The following MDFIC variants were observed in gnomAD, a reference collection of about 807,000 sequenced individuals.
The protein encoded by MDFIC is myoD family inhibitor domain-containing protein.
Under a neutral mutation model 23.2 loss-of-function variants are expected in MDFIC, and 17 were observed. The observed-to-expected ratio is 0.73, with a 90% CI of 0.50 to 1.10. MDFIC has a LOEUF of 1.10. Among genes scored for constraint, MDFIC ranks in the 50% least tolerant of loss-of-function variants. The pLI is 0.00. For synonymous variants in MDFIC, 120 were observed against 115.2 expected, an observed-to-expected ratio of 1.04 and a Z score of -0.27; for missense variants, 356 against 316.6, an observed-to-expected ratio of 1.12 and a Z score of -0.95.
intron 4 of MDFIC, among the ~76,000 whole-genome samples, chr7:114,989,785 A>T (rs985018380): frequency 1.3e-5 from 2 of 152,196 alleles, no homozygotes; most frequent in Non-Finnish European, 2.9e-5. Flanking sequence ...TTTGGTGACT[A>T]AAAAGCCTTT....
chr7:114,952,900 C>T (rs1406963769), intron 3 of MDFIC, among the ~76,000 whole-genome samples: 1 of 152,188 alleles, frequency 6.6e-6, no homozygotes, highest in Non-Finnish European at 1.5e-5. Context: ...TGCAAAGGCG[C>T]TGTCATAATT....
chr7:114,987,708 A>G (rs901297565), intron 4 of MDFIC, among the ~76,000 whole-genome samples: 4 of 152,352 alleles, frequency 2.6e-5, no homozygotes, highest in Non-Finnish European at 5.9e-5. Context: ...GAGAGTAGGC[A>G]TGATCAGAGT....
At chr7:114,993,880 C>G (rs1791249157) in intron 4 of MDFIC, among the ~76,000 whole-genome samples, 2 of 152,178 alleles carry the variant, frequency 1.3e-5, no homozygotes, top group African/African-American at 4.8e-5. Flanking sequence ...TGGTGCAGAG[C>G]TGAGTTCAGT....
At chr7:114,960,815 A>G (rs1019107789) in intron 3 of MDFIC, among the ~76,000 whole-genome samples, 1 of 152,172 alleles carries the variant, frequency 6.6e-6, no homozygotes, top group Non-Finnish European at 1.5e-5. Flanking sequence ...ACATTTTAAA[A>G]AGGTACACAT....
rs763218438 is a variant in MDFIC at position 115,015,737 on chromosome 7, C to G, written c.543C>G (p.Thr181=). The part of the protein sequence containing the change: ...ILACLFCEFL[T]LCNIVLGQAS... ...CTTGCTTGTTCTGCGAATTCCTGAC[C>G]CTTTGCAACATTGTCCTGGGACAAG... The change falls in exon 5 of 5, where the codon ACC becomes ACG. Residue 181 remains threonine (T), a synonymous_variant. Coordinates refer to ENST00000393486, the MANE Select transcript of MDFIC (RefSeq NM_001166345.3). 1 of 1,614,120 alleles carries G rather than the reference C, an allele frequency of 6.2e-7. No homozygotes were observed.
intron 3 of MDFIC, among the ~76,000 whole-genome samples, chr7:114,964,554 C>T (rs997789723): frequency 1.3e-5 from 2 of 148,706 alleles, no homozygotes; most frequent in African/African-American, 2.5e-5. Flanking sequence ...CCCTTCCCTT[C>T]GCTTCCCTCC....
chr7:114,944,575 C>T (rs532683699), intron 3 of MDFIC, among the ~76,000 whole-genome samples: 1 of 152,288 alleles, frequency 6.6e-6, no homozygotes, highest in East Asian at 1.9e-4. Flanking sequence ...GTGGTAGCTT[C>T]TGCTATTCCA....
rs1791863432 is a variant in MDFIC, at chr7:115,019,694, C to T, written c.*3759C>T. 6.6e-6 allele frequency among the ~76,000 whole-genome samples: 1 copy of T among 152,138 alleles called. No individual in the cohort carries two copies. The highest frequency in any genetic ancestry group is 2.4e-5 in the African/African-American group (1 of 41,452). On this transcript the variant is annotated 3_prime_UTR_variant, in exon 5 of 5. Coordinates refer to ENST00000393486, the MANE Select transcript of MDFIC (RefSeq NM_001166345.3). ...TGTAGGATTGTTGCATCTAATCTGACTGGCAACAGAAAATGTCATCAAATA... is the reference window on the plus strand; with the variant it reads ...TGTAGGATTGTTGCATCTAATCTGATTGGCAACAGAAAATGTCATCAAATA...
chr7:114,955,034 T>C (rs1792857726), intron 3 of MDFIC, among the ~76,000 whole-genome samples: 2 of 152,124 alleles, frequency 1.3e-5, no homozygotes, highest in Non-Finnish European at 2.9e-5. Flanking sequence ...GGCTTGTCCC[T>C]TCAGAAAGGC....
intron 2 of MDFIC, 102 bp from the exon 3 acceptor site, chr7:114,942,173 A>T (rs995945782): frequency 2.8e-6 from 2 of 723,568 alleles, no homozygotes; most frequent in African/African-American, 1.9e-5. Flanking sequence ...CTATTTCCTT[A>T]AATTATGGCA....
intron 4 of MDFIC, among the ~76,000 whole-genome samples, chr7:115,001,037 A>G (rs1032580269): frequency 6.6e-6 from 1 of 152,162 alleles, no homozygotes; most frequent in Non-Finnish European, 1.5e-5. Flanking sequence ...TTCCTCCTCT[A>G]TACTTGACTG....
chr7:114,968,755 A>G (rs181833528), intron 3 of MDFIC, among the ~76,000 whole-genome samples: 105 of 152,308 alleles, frequency 6.9e-4, no homozygotes, highest in Admixed American at 2.0e-3. Flanking sequence ...TCCTAGTAAC[A>G]ACTACTCACC....
At chr7:114,934,454 T>C (rs1270178864) in intron 2 of MDFIC, among the ~76,000 whole-genome samples, 2 of 152,228 alleles carry the variant, frequency 1.3e-5, no homozygotes, top group African/African-American at 4.8e-5. Context: ...TTATACTCAA[T>C]TGGATTTTCA....
rs555571392 is a variant in MDFIC at position 114,926,834 on chromosome 7, A to G, written c.94+3707A>G. 5.3e-3 allele frequency among the ~76,000 whole-genome samples: 805 copies of G among 152,292 alleles called. 4 individuals carry two copies. Among genetic ancestry groups the G allele is most frequent in the South Asian group, 0.022 (106 of 4,824 alleles). ...CAGTTTATTTCAATGTATATAATGT[A>G]TACTTGTACATATCTGTATTCTTCT... On this transcript the variant is annotated intron_variant, in intron 2 of 4. Coordinates refer to ENST00000393486, the MANE Select transcript of MDFIC (RefSeq NM_001166345.3).
At chr7:115,002,234 T>C (rs1791479327) in intron 4 of MDFIC, among the ~76,000 whole-genome samples, 2 of 152,212 alleles carry the variant, frequency 1.3e-5, no homozygotes, top group Admixed American at 6.5e-5. Flanking sequence ...TACTTGTGAC[T>C]CTGTCATTCT....
intron 4 of MDFIC, among the ~76,000 whole-genome samples, chr7:114,989,804 C>T (rs922944645): frequency 6.6e-6 from 1 of 152,060 alleles, no homozygotes; most frequent in South Asian, 2.1e-4. Context: ...TTCTCAAATC[C>T]CTACTCCTAC....
chr7:115,015,864 G>A lies in MDFIC; in HGVS notation c.670G>A (p.Asp224Asn). The change falls in exon 5 of 5, where the codon GAT becomes AAT. Residue 224 changes from aspartate to asparagine, a missense_variant. Transcript: ENST00000393486. ...TTGTGATATGGACTGTGGCATCATGGATGCCTGTTGTGAATCATCAGACTG... is the reference window on the plus strand; with the variant it reads ...TTGTGATATGGACTGTGGCATCATGAATGCCTGTTGTGAATCATCAGACTG... The part of the protein sequence containing the change: ...CPCDMDCGIM[D>N]ACCESSDCLE... 1 of 1,614,200 alleles carries A rather than the reference G, an allele frequency of 6.2e-7. No individual in the cohort carries two copies. The highest frequency in any genetic ancestry group is 8.5e-7 in the Non-Finnish European group (1 of 1,180,036).
chr7:114,963,145 G>A (rs1324872719), intron 3 of MDFIC, among the ~76,000 whole-genome samples: 1 of 152,176 alleles, frequency 6.6e-6, no homozygotes, highest in African/African-American at 2.4e-5. Flanking sequence ...CAGTTATACT[G>A]AGAGTGGTCT....
chr7:114,976,602 C>T (rs1563146930), intron 3 of MDFIC, among the ~76,000 whole-genome samples: 2 of 152,068 alleles, frequency 1.3e-5, no homozygotes, highest in African/African-American at 4.8e-5. Context: ...TATTATTCCT[C>T]TTTATCACTA....
Sources: allele counts gnomAD v4.1 joint callset (sites outside exome capture counted in the v4.1 genomes callset), GRCh38; gene constraint gnomAD v4.1.1; transcripts MANE v1.5; gene names NCBI Gene and HGNC (gene_info 2026-07-23, HGNC 2026-07-21).